The following RASAL1 variants were observed in gnomAD, a reference collection of about 807,000 sequenced individuals.
The protein encoded by RASAL1 is RAS protein activator like 1.
RASAL1 carries 72 observed loss-of-function variants against 96.6 expected under a neutral mutation model. The ratio of observed to expected loss-of-function variants is 0.75; its 90% CI spans 0.62 to 0.91. The LOEUF is 0.91. Among genes scored for constraint, RASAL1 ranks in the 40% least tolerant of loss-of-function variants. RASAL1 has a pLI of 0.00. For synonymous variants in RASAL1, 405 were observed against 430.4 expected (o/e 0.94, Z 0.73); for missense variants, 1,016 against 1,072.5 (o/e 0.95, Z 0.74).
chr12:113,119,023 G>T, intron 7 of RASAL1, 105 bp downstream of exon 7: 1 of 1,381,862 alleles, frequency 7.2e-7, no homozygotes, highest in Non-Finnish European at 9.8e-7. Flanking sequence ...TGAGGCAGCT[G>T]TACATCCACC....
chr12:113,101,870 G>A lies in RASAL1; in HGVS notation c.2225+19C>T. 1.2e-6 allele frequency: 2 copies of A among 1,610,268 alleles called. No individual in the cohort carries two copies. The highest frequency in any genetic ancestry group is 1.7e-6 in the Non-Finnish European group (2 of 1,178,144). On this transcript the variant is annotated intron_variant, in intron 19 of 20. Coordinates refer to ENST00000548055, the MANE Select transcript of RASAL1 (RefSeq NM_001301202.2). ...TGGCTGGTCATAGGAGGTGAAGTGG[G>A]ATGGGTGGGGGCACCCACCTGAGCT...
Position 113,105,980 on chromosome 12 carries a change from C to G in RASAL1, c.1658-94G>C, listed in dbSNP as rs929106313. 4 of 1,328,828 alleles carry G rather than the reference C, an allele frequency of 3.0e-6. No individual in the cohort carries two copies. In the African/African-American group the frequency reaches 4.4e-5, roughly 15 times the overall value. 82.3% of individuals were successfully genotyped at this position (1,328,828 alleles called of 1,614,324 possible). A position where few individuals can be genotyped will look rare whatever the true frequency, so the allele number is the denominator to read the frequency against. On this transcript the variant is annotated intron_variant, in intron 15 of 20. Transcript: ENST00000548055. ...CATGCCCAGGGAGGACCTCAGTGGA[C>G]GGGCATGGTTCTCTGCTCCCCTAGA...
intron 19 of RASAL1, among the ~76,000 whole-genome samples, chr12:113,100,988 A>G (rs1000936383): frequency 1.3e-5 from 2 of 152,248 alleles, no homozygotes; most frequent in Non-Finnish European, 2.9e-5. Context: ...ACACAGCATC[A>G]GCAGCAGCAT....
At position 113,130,961 on chromosome 12, in the gene RASAL1, A is replaced by G. The variant is rs1200041846; in HGVS notation, c.66-20T>C. 6.2e-7 allele frequency: 1 copy of G among 1,608,982 alleles called. No individual in the cohort carries two copies. Among genetic ancestry groups the G allele is most frequent in the Non-Finnish European group, 8.5e-7 (1 of 1,176,464 alleles). ...CCAGACCTGCAGAAGGAGGGAGTTC[A>G]GGGAGGAAGCAGGTTGAGAGGGCAG... is the stretch of plus-strand genomic sequence containing the variant. On this transcript the variant is annotated intron_variant, in intron 1 of 20. Coordinates refer to ENST00000548055, the MANE Select transcript of RASAL1 (RefSeq NM_001301202.2). This position sits in a 1 kb window ranked among gnomAD's most constrained non-coding sequence, Gnocchi z 5.1.
intron 18 of RASAL1, among the ~76,000 whole-genome samples, chr12:113,102,401 T>C (rs1026056999): frequency 3.3e-5 from 5 of 151,824 alleles, no homozygotes; most frequent in African/African-American, 1.2e-4. Context: ...CTACTAAAAA[T>C]ACAAAAATTA....
In RASAL1 at chr12:113,112,216, A is replaced by G. The variant is rs755187777; in HGVS notation, c.1244T>C (p.Leu415Pro). The change falls in exon 13 of 21, where the codon CTG becomes CCG. Residue 415 changes from leucine (L) to proline (P), a missense_variant. Transcript: ENST00000548055. ...EQMRETSLGL[L>P]TGYLGPIVDA... is the part of the protein sequence containing the mutation. ...CACGATGGGCCCCAGGTAGCCCGTCAGCAGCCCCAGGCTGGTCTCCCGCAT... is the reference window on the plus strand; with the variant it reads ...CACGATGGGCCCCAGGTAGCCCGTCGGCAGCCCCAGGCTGGTCTCCCGCAT... 2 of 1,266,028 alleles carry G rather than the reference A, an allele frequency of 1.6e-6. No individual in the cohort carries two copies. The highest frequency in any genetic ancestry group is 3.1e-5 in the African/African-American group (2 of 65,086). 78.4% of individuals were successfully genotyped at this position (1,266,028 alleles called of 1,614,324 possible).
chr12:113,112,960 A>AATAAATAAATAC (rs1229686590), intron 12 of RASAL1, among the ~76,000 whole-genome samples: 1 of 151,538 alleles, frequency 6.6e-6, no homozygotes, highest in Non-Finnish European at 1.5e-5. Context: ...TCAAAAAATA[A>AATAAATAAATAC]ATAAATAAAT....
At position 113,115,411 on chromosome 12, in the gene RASAL1, G is replaced by T; in HGVS notation, c.1004-147C>A. 1 of 972,114 alleles carries T rather than the reference G, an allele frequency of 1.0e-6. No homozygotes were observed. The highest frequency in any genetic ancestry group is 1.6e-6 in the Non-Finnish European group (1 of 633,368). 60.2% of individuals were successfully genotyped at this position (972,114 alleles called of 1,614,324 possible). ...ACCCCATTCACAGTACAGAGGCCCG[G>T]AGTGGTTAAGTGAATTGCCTGAGGT... On this transcript the variant is annotated intron_variant, in intron 10 of 20. Transcript: ENST00000548055. This position sits in a 1 kb window ranked among gnomAD's most constrained non-coding sequence, Gnocchi z 4.1.
At position 113,105,710 on chromosome 12, in the gene RASAL1, C is replaced by A. The variant is rs1950620230; in HGVS notation, c.1830+4G>T. On this transcript the variant is annotated splice_donor_region_variant and intron_variant, in intron 16 of 20. Transcript: ENST00000548055. The stretch of plus-strand genomic sequence containing the variant: ...AAGCCCTCCATAGTGGACTGGAACC[C>A]CACCTGCCACTCAGGACTCTTGGAG... 3 of 1,600,076 alleles carry A rather than the reference C, an allele frequency of 1.9e-6. No individual in the cohort carries two copies. The African/African-American group carries it at 4.0e-5, about 21-fold the overall frequency.
In RASAL1 at chr12:113,119,915, G is replaced by A. The variant is rs551944355; in HGVS notation, c.429-472C>T. Among the ~76,000 whole-genome samples, 257 of 152,294 alleles carry A rather than the reference G, an allele frequency of 1.7e-3. 1 individual carries two copies. Among genetic ancestry groups the A allele is most frequent in the Non-Finnish European group, 2.9e-3 (196 of 68,008 alleles). On this transcript the variant is annotated intron_variant, in intron 5 of 20. Transcript: ENST00000548055. ...AACAGACCAACCTCATAGAGCCGAG[G>A]GTTAGATTGGATGATGTGTGTAAAG...
chr12:113,135,859 C>T (rs986081879), upstream of RASAL1: 3 of 185,660 alleles, frequency 1.6e-5, no homozygotes, highest in Non-Finnish European at 3.4e-5. This position sits in a 1 kb window ranked among gnomAD's most constrained non-coding sequence, Gnocchi z 5.7. Flanking sequence ...CGCCCTCTAC[C>T]GGCACCCCAG....
intron 12 of RASAL1, 47 bp from the exon 13 acceptor site, chr12:113,112,325 C>T: frequency 8.1e-7 from 1 of 1,239,176 alleles, no homozygotes; most frequent in Non-Finnish European, 1.0e-6. Context: ...CAACATCTGC[C>T]TGCTCCAAAC....
At position 113,104,099 on chromosome 12, in the gene RASAL1, C is replaced by T; in HGVS notation, c.1969-18G>A. The T allele has an allele frequency of 4.5e-6, 7 of 1,562,032 alleles. No homozygotes were observed. The highest frequency in any genetic ancestry group is 1.4e-5 in the African/African-American group (1 of 72,824). Reference sequence around the variant, plus strand: ...TTCACATTCTGCAGCGGGTGGGAGGCGATCAGGGGGCGGGTGGGAACAGAG... The same window carrying T: ...TTCACATTCTGCAGCGGGTGGGAGGTGATCAGGGGGCGGGTGGGAACAGAG... On this transcript the variant is annotated intron_variant, in intron 17 of 20. Coordinates refer to ENST00000548055, the MANE Select transcript of RASAL1 (RefSeq NM_001301202.2).
intron 12 of RASAL1, among the ~76,000 whole-genome samples, chr12:113,112,730 C>G (rs1330183650): frequency 6.6e-6 from 1 of 152,052 alleles, no homozygotes. Context: ...GGGGGCAGGT[C>G]ACTTGAGACC....
In RASAL1 at chr12:113,129,950, G is replaced by A. The variant is rs948424883; in HGVS notation, c.122+935C>T. Among the ~76,000 whole-genome samples, 2 of 152,218 alleles carry A rather than the reference G, an allele frequency of 1.3e-5. No homozygotes were observed. Among genetic ancestry groups the A allele is most frequent in the Admixed American group, 6.5e-5 (1 of 15,294 alleles). ...AAAATCAATCTGTGGGTTTGGGGTG[G>A]TGTCAGGGAATGTATCAAGGGGCCA... is the stretch of plus-strand genomic sequence containing the variant. On this transcript the variant is annotated intron_variant, in intron 2 of 20. Coordinates refer to ENST00000548055, the MANE Select transcript of RASAL1 (RefSeq NM_001301202.2). This position sits in a 1 kb window ranked among gnomAD's most constrained non-coding sequence, Gnocchi z 5.0.
chr12:113,101,277 G>A (rs1378033006), intron 19 of RASAL1, among the ~76,000 whole-genome samples: 2 of 152,174 alleles, frequency 1.3e-5, no homozygotes, highest in Non-Finnish European at 1.5e-5. Context: ...CTAGTCAGGC[G>A]TGGTGGCAAG....
At position 113,115,011 on chromosome 12, in the gene RASAL1, G is replaced by T; in HGVS notation, c.1069-99C>A. 8.7e-7 allele frequency: 1 copy of T among 1,147,872 alleles called. No individual in the cohort carries two copies. Among genetic ancestry groups the T allele is most frequent in the Non-Finnish European group, 1.3e-6 (1 of 764,638 alleles). 71.1% of individuals were successfully genotyped at this position (1,147,872 alleles called of 1,614,324 possible). ...GGGACCATGCAGGAAGAGGTTCAGAGAGAGGCCAGGGCTGGGGTAGGGGAC... is the reference window on the plus strand; with the variant it reads ...GGGACCATGCAGGAAGAGGTTCAGATAGAGGCCAGGGCTGGGGTAGGGGAC... On this transcript the variant is annotated intron_variant, in intron 11 of 20. Coordinates refer to ENST00000548055, the MANE Select transcript of RASAL1 (RefSeq NM_001301202.2). This position sits in a 1 kb window ranked among gnomAD's most constrained non-coding sequence, Gnocchi z 4.1.
chr12:113,124,553 G>A (rs991486022), intron 4 of RASAL1, among the ~76,000 whole-genome samples: 6 of 152,200 alleles, frequency 3.9e-5, no homozygotes, highest in African/African-American at 9.7e-5. Context: ...GATGTTTGAG[G>A]TACACTGGGT....
chr12:113,114,577 T>G (rs974097644), intron 12 of RASAL1, among the ~76,000 whole-genome samples: 1 of 152,034 alleles, frequency 6.6e-6, no homozygotes, highest in Non-Finnish European at 1.5e-5. Context: ...AAAGCTAAGA[T>G]TTGAACCCAG....
Sources: allele counts gnomAD v4.1 joint callset (sites outside exome capture counted in the v4.1 genomes callset), GRCh38; gene constraint gnomAD v4.1.1; non-coding constraint Gnocchi (gnomAD v3.1); transcripts MANE v1.5; gene names NCBI Gene and HGNC (gene_info 2026-07-23, HGNC 2026-07-21).